Variants in PIEZO2 observed in about 807,000 individuals in gnomAD.
PIEZO2 encodes the protein piezo-type mechanosensitive ion channel component 2.
In PIEZO2, 172 loss-of-function variants were observed where a neutral mutation model predicts 337.3. That is an observed-to-expected ratio of 0.51 (90% confidence interval 0.45 to 0.58). PIEZO2 has a LOEUF of 0.58. Among genes scored for constraint, PIEZO2 ranks in the 20% least tolerant of loss-of-function variants. The pLI is 0.00. For missense variants in PIEZO2, 3,028 were observed against 3,391.3 expected, an observed-to-expected ratio of 0.89 and a Z score of 2.66; for synonymous variants, 1,251 against 1,228.5, an observed-to-expected ratio of 1.02 and a Z score of -0.38.
At chr18:11,004,247 T>C (rs1460859079) in intron 2 of PIEZO2, among the ~76,000 whole-genome samples, 1 of 152,142 alleles carries the variant, frequency 6.6e-6, no homozygotes, top group Non-Finnish European at 1.5e-5. Flanking sequence ...TACTGCAGAC[T>C]TCAGAGAGGA....
intron 3 of PIEZO2, among the ~76,000 whole-genome samples, chr18:10,916,326 C>T (rs556713550): frequency 1.4e-4 from 21 of 152,284 alleles, no homozygotes; most frequent in East Asian, 9.7e-4. Context: ...GACCAGGAGC[C>T]GCCTAGCAGG....
At chr18:11,082,313 TTTTC>T (rs1311752472) in intron 1 of PIEZO2, among the ~76,000 whole-genome samples, 2 of 136,314 alleles carry the variant, frequency 1.5e-5, no homozygotes, top group Non-Finnish European at 3.1e-5. Context: ...ATACATATTT[TTTTC>T]TTTTTCTTTT....
In PIEZO2 at chr18:11,037,824, A is replaced by T. The variant is rs554965139; in HGVS notation, c.160+28303T>A. The stretch of plus-strand genomic sequence containing the variant: ...CTTCCAGAATTATGATTCTATGTCA[A>T]AGTAACAGGGGCTATAATATGCAAA... On this transcript the variant is annotated intron_variant, in intron 2 of 55. Coordinates refer to ENST00000674853, the MANE Select transcript of PIEZO2 (RefSeq NM_001378183.1). Among the ~76,000 whole-genome samples the T allele has an allele frequency of 6.6e-5, 10 of 152,380 alleles. No homozygotes were observed. In the East Asian group the frequency reaches 1.9e-3, roughly 29 times the overall value.
chr18:10,765,123 T>C (rs1320769295), intron 21 of PIEZO2, among the ~76,000 whole-genome samples: 1 of 152,212 alleles, frequency 6.6e-6, no homozygotes, highest in African/African-American at 2.4e-5. Context: ...GAGGATTCCC[T>C]GCCCGCAGGA....
At chr18:10,978,126 T>C (rs2034519856) in intron 3 of PIEZO2, among the ~76,000 whole-genome samples, 1 of 152,014 alleles carries the variant, frequency 6.6e-6, no homozygotes, top group Admixed American at 6.6e-5. Flanking sequence ...ATCGAGACCA[T>C]ACTGGCTAAC....
At chr18:10,785,074 T>C in intron 16 of PIEZO2, 117 bp from the exon 17 acceptor site, 1 of 1,055,532 alleles carries the variant, frequency 9.5e-7, no homozygotes, top group Non-Finnish European at 1.3e-6. Context: ...GTTTATTGAA[T>C]CCCTCTCTCC....
At position 10,819,891 on chromosome 18, in the gene PIEZO2, A is replaced by G. The variant is rs1056113565; in HGVS notation, c.918-12617T>C. The stretch of plus-strand genomic sequence containing the variant: ...AAATTCTCTCAGTCTTTCGTATCTG[A>G]TAATATCTTTATTTGACCTTCATTT... On this transcript the variant is annotated intron_variant, in intron 7 of 55. Transcript: ENST00000674853. This position sits in a 1 kb window ranked among gnomAD's most constrained non-coding sequence, Gnocchi z 4.3. Among the ~76,000 whole-genome samples the G allele has an allele frequency of 1.3e-5, 2 of 152,176 alleles. No homozygotes were observed. The highest frequency in any genetic ancestry group is 1.9e-4 in the East Asian group (1 of 5,200).
intron 4 of PIEZO2, among the ~76,000 whole-genome samples, chr18:10,883,816 C>CTTTTTT (rs71169957): frequency 1.6e-5 from 2 of 122,832 alleles, no homozygotes. Flanking sequence ...AGTCCTACTT[C>CTTTTTT]TTTTTTTTTT....
chr18:10,741,948 T>C (rs112137028), intron 32 of PIEZO2, among the ~76,000 whole-genome samples: 2,868 of 151,970 alleles, frequency 0.019, 86 homozygotes, highest in African/African-American at 0.064. Context: ...GGTCAGGAGA[T>C]CGAGACCATC....
intron 2 of PIEZO2, among the ~76,000 whole-genome samples, chr18:11,049,552 G>A (rs1378907478): frequency 6.6e-6 from 1 of 152,156 alleles, no homozygotes; most frequent in African/African-American, 2.4e-5. Context: ...GATATGGTTT[G>A]GCTGCATCCC....
intron 4 of PIEZO2, among the ~76,000 whole-genome samples, chr18:10,905,801 C>T (rs2043161772): frequency 1.3e-5 from 2 of 152,110 alleles, no homozygotes; most frequent in Admixed American, 1.3e-4. Flanking sequence ...AAGCACTCTC[C>T]AATTTCCCTA....
At position 10,758,077 on chromosome 18, in the gene PIEZO2, T is replaced by C. The variant is rs1212777002; in HGVS notation, c.3815A>G (p.Asn1272Ser). Residue 1272 changes from asparagine to serine, a missense_variant, in exon 27 of 56, where the codon AAC becomes AGC. Transcript: ENST00000674853. ...TGCCATGATTCGCACTGCAGCCTTG[T>C]TCTCATCCTCAAAAATCTGCCGTTG... The part of the protein sequence containing the change: ...SLQRQIFEDE[N>S]KAAVRIMAGD... 2.0e-6 allele frequency: 3 copies of C among 1,537,580 alleles called. No homozygotes were observed. The highest frequency in any genetic ancestry group is 2.6e-6 in the Non-Finnish European group (3 of 1,146,896).
intron 2 of PIEZO2, among the ~76,000 whole-genome samples, chr18:11,053,385 T>C (rs1378123637): frequency 6.6e-6 from 1 of 152,170 alleles, no homozygotes; most frequent in African/African-American, 2.4e-5. Context: ...GAGAATAAGA[T>C]TTCTAAGTCT....
chr18:10,770,078 A>G (rs2038534564), intron 21 of PIEZO2, 70 bp downstream of exon 21: 2 of 1,463,060 alleles, frequency 1.4e-6, no homozygotes, highest in Middle Eastern at 1.7e-4. Context: ...AATCATGGAC[A>G]GCTGGAAAAG....
At chr18:10,743,483 C>T (rs781058699) in intron 31 of PIEZO2, among the ~76,000 whole-genome samples, 54 of 152,226 alleles carry the variant, frequency 3.5e-4, no homozygotes, top group Non-Finnish European at 6.2e-4. Flanking sequence ...CCCAAGTCTC[C>T]GGAGTGGAGT....
chr18:10,684,806 C>G (rs555957120), intron 49 of PIEZO2, among the ~76,000 whole-genome samples: 3 of 152,172 alleles, frequency 2.0e-5, no homozygotes, highest in Admixed American at 1.3e-4. Flanking sequence ...TCCTGTCCTG[C>G]GCTGCTCCGT....
In PIEZO2 at chr18:10,833,503, T is replaced by C. The variant is rs9965678; in HGVS notation, c.917+21850A>G. Among the ~76,000 whole-genome samples the C allele has an allele frequency of 0.34, 51,969 of 151,536 alleles. 9,415 individuals carry two copies. Among genetic ancestry groups the C allele is most frequent in the East Asian group, 0.63 (3,181 of 5,074 alleles). On this transcript the variant is annotated intron_variant, in intron 7 of 55. Coordinates refer to ENST00000674853, the MANE Select transcript of PIEZO2 (RefSeq NM_001378183.1). This position sits in a 1 kb window ranked among gnomAD's most constrained non-coding sequence, Gnocchi z 4.7. ...CAGGCAGCTCGCTCCCCGGTGGGTTTTTATTTCTGTTGGAGTTCAGAATAA... is the reference window on the plus strand; with the variant it reads ...CAGGCAGCTCGCTCCCCGGTGGGTTCTTATTTCTGTTGGAGTTCAGAATAA...
chr18:10,856,948 C>T lies in PIEZO2; in HGVS notation c.703+53G>A. ...TTCTTCAACCATTTCTCTCATTCAC[C>T]AAAGCACTGCTTGTGCCTTTTGCTA... is the stretch of plus-strand genomic sequence containing the variant. On this transcript the variant is annotated intron_variant, in intron 6 of 55. Transcript: ENST00000674853. This position sits in a 1 kb window ranked among gnomAD's most constrained non-coding sequence, Gnocchi z 4.7. 6.9e-7 allele frequency: 1 copy of T among 1,455,384 alleles called. No homozygotes were observed. The highest frequency in any genetic ancestry group is 9.3e-7 in the Non-Finnish European group (1 of 1,073,938). 90.2% of individuals were successfully genotyped at this position (1,455,384 alleles called of 1,614,324 possible). A position where few individuals can be genotyped will look rare whatever the true frequency, so the allele number is the denominator to read the frequency against.
At chr18:10,816,253 A>G (rs1029011752) in intron 7 of PIEZO2, among the ~76,000 whole-genome samples, 2 of 152,306 alleles carry the variant, frequency 1.3e-5, no homozygotes, top group African/African-American at 4.8e-5. Context: ...TCATTTAACC[A>G]AAGATCACGA....
Sources: gnomAD v4.1 joint callset for allele counts (sites outside exome capture counted in the v4.1 genomes callset) on GRCh38, gnomAD v4.1.1 for gene constraint, Gnocchi (gnomAD v3.1) non-coding constraint, MANE v1.5 for transcripts, NCBI Gene and HGNC (gene_info 2026-07-23, HGNC 2026-07-21) for gene names.